TNKS: variants seen among roughly 807,000 people sequenced by gnomAD.
TNKS encodes tankyrase.
A neutral mutation model predicts 135.8 loss-of-function variants in TNKS; 72 were observed. That is an observed-to-expected ratio of 0.53 (90% CI 0.44 to 0.64). The LOEUF is 0.64. TNKS is among the 30% of genes least tolerant of loss of function. The probability of loss-of-function intolerance (pLI) is 0.00; values close to 1 mark genes in which losing one functional copy is unlikely to be tolerated. For missense variants in TNKS, 1,769 were observed against 1,674.0 expected (o/e 1.06, Z -0.99); for synonymous variants, 849 against 649.3 (o/e 1.31, Z -4.68).
chr8:9,600,392 C>T (rs947739041), intron 2 of TNKS, among the ~76,000 whole-genome samples: 7 of 152,260 alleles, frequency 4.6e-5, no homozygotes, highest in Admixed American at 2.0e-4. Context: ...TGGCTCACTG[C>T]AGCCTCGACC....
intron 2 of TNKS, among the ~76,000 whole-genome samples, chr8:9,592,712 A>C (rs1798632011): frequency 6.6e-6 from 1 of 152,224 alleles, no homozygotes; most frequent in Admixed American, 6.5e-5. Context: ...TGAAGTGACA[A>C]AGCAGTTCAC....
intron 5 of TNKS, among the ~76,000 whole-genome samples, chr8:9,694,081 G>T (rs1399866058): frequency 6.6e-6 from 1 of 152,168 alleles, no homozygotes; most frequent in Non-Finnish European, 1.5e-5. Flanking sequence ...GCTCTCTGAG[G>T]ACTTACAGCT....
At chr8:9,638,901 A>G (rs546292732) in intron 3 of TNKS, among the ~76,000 whole-genome samples, 9 of 152,304 alleles carry the variant, frequency 5.9e-5, no homozygotes, top group African/African-American at 1.9e-4. Flanking sequence ...ATGACAGGGC[A>G]AAAGAACCTA....
At chr8:9,565,926 A>G (rs1048841640) in intron 1 of TNKS, among the ~76,000 whole-genome samples, 1 of 152,210 alleles carries the variant, frequency 6.6e-6, no homozygotes, top group Non-Finnish European at 1.5e-5. Context: ...GTGTGTGTAT[A>G]CACACTTTTT....
intron 3 of TNKS, among the ~76,000 whole-genome samples, chr8:9,659,768 A>C (rs1468025090): frequency 6.6e-6 from 1 of 152,210 alleles, no homozygotes; most frequent in Non-Finnish European, 1.5e-5. Flanking sequence ...AGACACAAAA[A>C]ACCGTTCAAA....
At chr8:9,683,676 TTTAGGTTTTTTTTTAATGTAA>T (rs753080884) in intron 5 of TNKS, among the ~76,000 whole-genome samples, 5 of 151,808 alleles carry the variant, frequency 3.3e-5, no homozygotes, top group African/African-American at 4.8e-5. Context: ...GGTTTGAGAC[TTTAGGTTTTTTTTTAATGTAA>T]TATGTGGGAT....
At chr8:9,561,137 A>C (rs1353404456) in intron 1 of TNKS, among the ~76,000 whole-genome samples, 1 of 152,176 alleles carries the variant, frequency 6.6e-6, no homozygotes, top group Admixed American at 6.5e-5. Context: ...CTTTTTATTA[A>C]AGCATGTGAG....
intron 12 of TNKS, among the ~76,000 whole-genome samples, chr8:9,722,038 CAG>C (rs1804910800): frequency 7.1e-6 from 1 of 140,746 alleles, no homozygotes; most frequent in Non-Finnish European, 1.5e-5. Context: ...GCCTGGGTGA[CAG>C]AGCGAGACTC....
intron 3 of TNKS, among the ~76,000 whole-genome samples, chr8:9,618,805 G>A (rs1799749728): frequency 6.6e-6 from 1 of 152,134 alleles, no homozygotes; most frequent in African/African-American, 2.4e-5. Context: ...ACATTTTGGT[G>A]TACTTTATTT....
At chr8:9,764,828 A>C (rs1223032366) in intron 23 of TNKS, 38 bp downstream of exon 23, 3 of 1,523,292 alleles carry the variant, frequency 2.0e-6, no homozygotes, top group East Asian at 4.8e-5. Flanking sequence ...ACTGGATTGC[A>C]AGGCTTGCCT....
chr8:9,717,067 A>G (rs528353300), intron 11 of TNKS, among the ~76,000 whole-genome samples: 1 of 90,558 alleles, frequency 1.1e-5, no homozygotes, highest in Non-Finnish European at 2.3e-5. Context: ...AATCTGTTGT[A>G]TTATAATATA....
At position 9,704,733 on chromosome 8, in the gene TNKS, C is replaced by G; in HGVS notation, c.1178C>G (p.Ala393Gly). The G allele has an allele frequency of 6.2e-7, 1 of 1,613,304 alleles. No individual in the cohort carries two copies. The change falls in exon 6 of 27, where the codon GCT becomes GGT. Residue 393 changes from alanine to glycine, a missense_variant. This residue lies in a region of TNKS where 523 missense variants were observed against 541.0 expected (regional missense o/e 0.97). Coordinates refer to ENST00000310430, the MANE Select transcript of TNKS (RefSeq NM_003747.3). ...GTTCAGCTTCTTCTTCAGCATGGTG[C>G]TGATGTTCATGCAAAAGACAAAGGG... ...RIVQLLLQHG[A>G]DVHAKDKGGL...
intron 18 of TNKS, 61 bp from the exon 19 acceptor site, chr8:9,751,548 A>G (rs962241713): frequency 3.6e-5 from 54 of 1,491,604 alleles, no homozygotes; most frequent in Non-Finnish European, 4.8e-5. Context: ...GTTATCAGTG[A>G]AAAACTTACC....
intron 2 of TNKS, among the ~76,000 whole-genome samples, chr8:9,612,402 A>T (rs1370928283): frequency 6.6e-6 from 1 of 152,152 alleles, no homozygotes; most frequent in Admixed American, 6.5e-5. Context: ...AGACCTGGGA[A>T]TGGAACTTTG....
chr8:9,663,029 G>C (rs573542513), intron 3 of TNKS, among the ~76,000 whole-genome samples: 1 of 152,314 alleles, frequency 6.6e-6, no homozygotes, highest in South Asian at 2.1e-4. Flanking sequence ...TTCTTTAAAG[G>C]AGGCTCAGAA....
intron 3 of TNKS, among the ~76,000 whole-genome samples, chr8:9,674,728 A>G (rs1802463302): frequency 6.6e-6 from 1 of 152,190 alleles, no homozygotes; most frequent in African/African-American, 2.4e-5. Flanking sequence ...GTTGGTACTA[A>G]GCAGAGTGAT....
chr8:9,613,289 A>T (rs368997575), intron 2 of TNKS, among the ~76,000 whole-genome samples: 2 of 152,164 alleles, frequency 1.3e-5, no homozygotes, highest in African/African-American at 4.8e-5. Context: ...ACATTTTAAC[A>T]TGTGCTTTAA....
In TNKS at chr8:9,709,950, T is replaced by C. The variant is rs1196334274; in HGVS notation, c.1579-5T>C. 2.5e-6 allele frequency: 4 copies of C among 1,612,596 alleles called. No individual in the cohort carries two copies. Among genetic ancestry groups the C allele is most frequent in the Middle Eastern group, 3.6e-4 (2 of 5,560 alleles). On this transcript the variant is annotated splice_polypyrimidine_tract_variant and splice_region_variant and intron_variant, in intron 9 of 26. Coordinates refer to ENST00000310430, the MANE Select transcript of TNKS (RefSeq NM_003747.3). Reference sequence around the variant, plus strand: ...TTTATTAACTTGGTTTTGTTTACTTTATAGCACTGTGCTGTGGCCTCTCTG... The same window carrying C: ...TTTATTAACTTGGTTTTGTTTACTTCATAGCACTGTGCTGTGGCCTCTCTG...
chr8:9,578,650 C>T (rs1418873026), intron 1 of TNKS, among the ~76,000 whole-genome samples: 1 of 152,116 alleles, frequency 6.6e-6, no homozygotes, highest in Non-Finnish European at 1.5e-5. Flanking sequence ...CTTTTTTCCC[C>T]TTACTCTTTT....
Sources: gnomAD v4.1 joint callset for allele counts (sites outside exome capture counted in the v4.1 genomes callset) on GRCh38, gnomAD v4.1.1 for gene constraint, gnomAD v4.1.1 regional missense constraint, MANE v1.5 for transcripts, NCBI Gene and HGNC (gene_info 2026-07-23, HGNC 2026-07-21) for gene names.